Variants in CTNND2 observed in about 807,000 individuals in gnomAD.
CTNND2 encodes catenin delta-2.
CTNND2 carries 22 observed loss-of-function variants against 144.4 expected under a neutral mutation model. That is an observed-to-expected ratio of 0.15 (90% CI 0.11 to 0.22). The LOEUF is 0.22. Among genes scored for constraint, CTNND2 ranks in the 10% least tolerant of loss-of-function variants. The pLI is 1.00. For missense variants in CTNND2, 1,353 were observed against 1,618.8 expected, an observed-to-expected ratio of 0.84 and a Z score of 2.82; for synonymous variants, 751 against 695.6, an observed-to-expected ratio of 1.08 and a Z score of -1.25.
intron 2 of CTNND2, among the ~76,000 whole-genome samples, chr5:11,622,024 G>T (rs1780870205): frequency 6.6e-6 from 1 of 152,102 alleles, no homozygotes; most frequent in Admixed American, 6.5e-5. Flanking sequence ...TTGTCAAATG[G>T]ATGCTTAAAA....
intron 3 of CTNND2, among the ~76,000 whole-genome samples, chr5:11,437,129 T>C (rs1763844763): frequency 6.6e-6 from 1 of 152,226 alleles, no homozygotes; most frequent in African/African-American, 2.4e-5. Context: ...TAATTATTGT[T>C]ATGTATTTCC....
intron 3 of CTNND2, among the ~76,000 whole-genome samples, chr5:11,545,219 G>T (rs1252385989): frequency 1.3e-5 from 2 of 151,934 alleles, no homozygotes; most frequent in Non-Finnish European, 1.5e-5. Context: ...CTACTAGGAG[G>T]GCTGTGGAAG....
At chr5:11,392,180 C>T (rs562098407) in intron 6 of CTNND2, among the ~76,000 whole-genome samples, 1 of 152,262 alleles carries the variant, frequency 6.6e-6, no homozygotes, top group African/African-American at 2.4e-5. Flanking sequence ...GTCACAAGTG[C>T]AAACATGGTG....
At chr5:11,377,774 T>G (rs1431700959) in intron 7 of CTNND2, among the ~76,000 whole-genome samples, 1 of 152,184 alleles carries the variant, frequency 6.6e-6, no homozygotes, top group African/African-American at 2.4e-5. Context: ...GGCACTAACT[T>G]GCCATACGGG....
chr5:11,298,044 TTAGTAAATTGTACA>T (rs1194884724), intron 9 of CTNND2, among the ~76,000 whole-genome samples: 3 of 152,310 alleles, frequency 2.0e-5, no homozygotes, highest in Middle Eastern at 3.4e-3. Flanking sequence ...CATTTCAAAG[TTAGTAAATTGTACA>T]TAAGGAACCA....
chr5:11,810,136 T>C (rs1187387912), intron 1 of CTNND2, among the ~76,000 whole-genome samples: 1 of 152,164 alleles, frequency 6.6e-6, no homozygotes, highest in Non-Finnish European at 1.5e-5. Context: ...TATTAAATAT[T>C]AGCATATACT....
intron 1 of CTNND2, among the ~76,000 whole-genome samples, chr5:11,814,190 A>G (rs956591028): frequency 3.9e-5 from 6 of 152,260 alleles, no homozygotes; most frequent in Non-Finnish European, 8.8e-5. Context: ...AAAACATATT[A>G]AATCATGCCA....
At chr5:11,831,641 A>T (rs1237101550) in intron 1 of CTNND2, among the ~76,000 whole-genome samples, 3 of 150,232 alleles carry the variant, frequency 2.0e-5, no homozygotes, top group South Asian at 2.1e-4. Flanking sequence ...CACTCCAGCC[A>T]GGGCAACAGA....
At chr5:11,730,410 T>C (rs955524119) in intron 2 of CTNND2, among the ~76,000 whole-genome samples, 2 of 152,232 alleles carry the variant, frequency 1.3e-5, no homozygotes, top group Non-Finnish European at 2.9e-5. Flanking sequence ...TTCTTTGTAA[T>C]GAATTGAAAC....
At chr5:11,296,983 T>TA (rs930885839) in intron 9 of CTNND2, among the ~76,000 whole-genome samples, 5 of 151,336 alleles carry the variant, frequency 3.3e-5, no homozygotes, top group African/African-American at 7.3e-5. Context: ...TAAAGTATAA[T>TA]AAAAAAAAGA....
chr5:11,528,915 G>A (rs1163406997), intron 3 of CTNND2, among the ~76,000 whole-genome samples: 2 of 152,196 alleles, frequency 1.3e-5, no homozygotes, highest in East Asian at 3.8e-4. Flanking sequence ...GTCTGGCTGG[G>A]CAATTCATGT....
At chr5:11,662,121 A>ATATATACACATATATG (rs1783247628) in intron 2 of CTNND2, among the ~76,000 whole-genome samples, 1 of 147,238 alleles carries the variant, frequency 6.8e-6, no homozygotes, top group Non-Finnish European at 1.5e-5. Context: ...GTGTGTGTAT[A>ATATATACACATATATG]TATATATACA....
intron 3 of CTNND2, among the ~76,000 whole-genome samples, chr5:11,436,641 A>G (rs1763802241): frequency 6.6e-6 from 1 of 152,214 alleles, no homozygotes; most frequent in Non-Finnish European, 1.5e-5. Flanking sequence ...ACATTTATAA[A>G]CATCCATCCC....
intron 2 of CTNND2, among the ~76,000 whole-genome samples, chr5:11,589,282 AACACACAC>A (rs34009518): frequency 2.0e-5 from 3 of 146,620 alleles, no homozygotes; most frequent in Non-Finnish European, 3.0e-5. Context: ...TTAACATTAA[AACACACAC>A]ACACACACAC....
At position 11,638,437 on chromosome 5, in the gene CTNND2, A is replaced by G. The variant is rs1345981423; in HGVS notation, c.175-73381T>C. Among the ~76,000 whole-genome samples, 4 of 152,148 alleles carry G rather than the reference A, an allele frequency of 2.6e-5. No individual in the cohort carries two copies. The East Asian group carries it at 7.7e-4, about 29-fold the overall frequency. On this transcript the variant is annotated intron_variant, in intron 2 of 21. Transcript: ENST00000304623. ...CTGCAGTAATAGATGAGATGTCTTA[A>G]TTCTCCTTATCTCTGCAAGGGCCCT...
At chr5:11,537,039 T>A (rs920312672) in intron 3 of CTNND2, among the ~76,000 whole-genome samples, 1 of 149,134 alleles carries the variant, frequency 6.7e-6, no homozygotes, top group Non-Finnish European at 1.5e-5. Flanking sequence ...GAATCAGAAA[T>A]TGGAGGCAGC....
At chr5:11,553,885 A>G (rs914019928) in intron 3 of CTNND2, among the ~76,000 whole-genome samples, 8 of 152,098 alleles carry the variant, frequency 5.3e-5, no homozygotes, top group African/African-American at 1.7e-4. Context: ...TGTAAAATTA[A>G]TATTAGCTTT....
chr5:11,775,276 A>C lies in CTNND2; in HGVS notation c.38-43004T>G, dbSNP rs551493952. On this transcript the variant is annotated intron_variant, in intron 1 of 21. Transcript: ENST00000304623. ...GGACTTGGGCATTTGAATTGACGAAAATTGGACATAAAATTCTCTTCTGCC... is the reference window on the plus strand; with the variant it reads ...GGACTTGGGCATTTGAATTGACGAACATTGGACATAAAATTCTCTTCTGCC... 1.1e-3 allele frequency among the ~76,000 whole-genome samples: 165 copies of C among 152,198 alleles called. 2 individuals are homozygous for C. The highest frequency in any genetic ancestry group is 1.7e-3 in the Non-Finnish European group (113 of 68,034).
At chr5:11,579,644 G>A (rs77820664) in intron 2 of CTNND2, among the ~76,000 whole-genome samples, 2,130 of 152,280 alleles carry the variant, frequency 0.014, 31 homozygotes, top group Middle Eastern at 0.037. Context: ...ATAATGAGCT[G>A]CAAGATCTTA....
Sources: gnomAD v4.1 joint callset for allele counts (sites outside exome capture counted in the v4.1 genomes callset) on GRCh38, gnomAD v4.1.1 for gene constraint, MANE v1.5 for transcripts, NCBI Gene and HGNC (gene_info 2026-07-23, HGNC 2026-07-21) for gene names.